The following CLSTN2 variants were observed in gnomAD, a reference collection of about 807,000 sequenced individuals.
The protein encoded by CLSTN2 is calsyntenin-2.
A neutral mutation model predicts 101.2 loss-of-function variants in CLSTN2; 48 were observed. The observed-to-expected ratio is 0.47, with a 90% CI of 0.38 to 0.60. CLSTN2 has a LOEUF of 0.60. CLSTN2 is among the 20% of genes least tolerant of loss of function. The probability of loss-of-function intolerance (pLI) is 0.00; values close to 1 mark genes in which losing one functional copy is unlikely to be tolerated. For synonymous variants in CLSTN2, 481 were observed against 463.6 expected (o/e 1.04, Z -0.48); for missense variants, 1,160 against 1,238.2 (o/e 0.94, Z 0.95).
At chr3:140,240,822 G>C (rs1039349523) in intron 2 of CLSTN2, among the ~76,000 whole-genome samples, 1 of 152,170 alleles carries the variant, frequency 6.6e-6, no homozygotes, top group Non-Finnish European at 1.5e-5. Flanking sequence ...TGGGGTAAAA[G>C]AAGCAGCCAG....
chr3:139,968,887 T>TA (rs1204613719), intron 1 of CLSTN2, among the ~76,000 whole-genome samples: 1 of 152,218 alleles, frequency 6.6e-6, no homozygotes, highest in Non-Finnish European at 1.5e-5. Flanking sequence ...GTAGAAGACA[T>TA]AAACTCTTTT....
At chr3:140,076,045 C>T (rs932062062) in intron 1 of CLSTN2, among the ~76,000 whole-genome samples, 8 of 152,142 alleles carry the variant, frequency 5.3e-5, no homozygotes, top group African/African-American at 1.7e-4. Flanking sequence ...GGAAACTTTA[C>T]ACCTCTTACA....
chr3:140,069,734 G>A (rs1417072600), intron 1 of CLSTN2, among the ~76,000 whole-genome samples: 2 of 152,184 alleles, frequency 1.3e-5, no homozygotes, highest in Non-Finnish European at 2.9e-5. Context: ...AGACTCTGAA[G>A]TCTGTGTCCT....
At chr3:140,201,989 G>C (rs2010723795) in intron 2 of CLSTN2, among the ~76,000 whole-genome samples, 1 of 152,210 alleles carries the variant, frequency 6.6e-6, no homozygotes, top group Non-Finnish European at 1.5e-5. Context: ...GATGCACCCT[G>C]TGCTATCTGG....
intron 2 of CLSTN2, among the ~76,000 whole-genome samples, chr3:140,238,591 A>T (rs573827056): frequency 6.6e-6 from 1 of 152,170 alleles, no homozygotes; most frequent in Non-Finnish European, 1.5e-5. Context: ...TTTATGTTTC[A>T]TGACATTAGA....
intron 1 of CLSTN2, among the ~76,000 whole-genome samples, chr3:139,968,869 C>A (rs1935647786): frequency 6.6e-6 from 1 of 152,156 alleles, no homozygotes; most frequent in Non-Finnish European, 1.5e-5. Flanking sequence ...GTCGGTTCGC[C>A]AGCAACAGTA....
chr3:140,028,975 G>A (rs2007489696), intron 1 of CLSTN2, among the ~76,000 whole-genome samples: 2 of 152,192 alleles, frequency 1.3e-5, no homozygotes, highest in South Asian at 4.1e-4. Flanking sequence ...CTCCTGCAAA[G>A]TGAATGGTGA....
intron 1 of CLSTN2, among the ~76,000 whole-genome samples, chr3:139,987,966 T>A (rs1296489384): frequency 6.6e-6 from 1 of 152,186 alleles, no homozygotes; most frequent in Non-Finnish European, 1.5e-5. Flanking sequence ...GGAATAAGGA[T>A]AGTGAATGTG....
chr3:140,560,247 AT>A (rs1935883019), intron 12 of CLSTN2, among the ~76,000 whole-genome samples: 1 of 152,184 alleles, frequency 6.6e-6, no homozygotes, highest in Non-Finnish European at 1.5e-5. Context: ...GGATAATGGC[AT>A]TTGCCCCCAG....
chr3:140,443,961 C>T (rs1441216093), intron 5 of CLSTN2, among the ~76,000 whole-genome samples: 1 of 152,182 alleles, frequency 6.6e-6, no homozygotes, highest in Non-Finnish European at 1.5e-5. Context: ...CAAAGCAAAC[C>T]TCCAGCCCCC....
At chr3:140,359,090 G>A (rs772684548) in intron 2 of CLSTN2, among the ~76,000 whole-genome samples, 6 of 151,318 alleles carry the variant, frequency 4.0e-5, no homozygotes, top group African/African-American at 7.3e-5. Context: ...CATCAGCCCC[G>A]TGAACTATTG....
intron 1 of CLSTN2, among the ~76,000 whole-genome samples, chr3:139,999,254 C>T (rs1560066050): frequency 1.3e-5 from 2 of 152,174 alleles, no homozygotes; most frequent in Non-Finnish European, 2.9e-5. Flanking sequence ...ATGTTGCTCC[C>T]TCCCTCCCTC....
intron 1 of CLSTN2, among the ~76,000 whole-genome samples, chr3:140,048,614 G>A (rs551208589): frequency 2.0e-5 from 3 of 152,328 alleles, no homozygotes; most frequent in African/African-American, 7.2e-5. Flanking sequence ...GAGGCAAAGA[G>A]AGATTAGATA....
chr3:140,382,189 A>G (rs530387433), intron 2 of CLSTN2, among the ~76,000 whole-genome samples: 1 of 152,264 alleles, frequency 6.6e-6, no homozygotes, highest in East Asian at 1.9e-4. Flanking sequence ...CTAACATTTA[A>G]CACAGTTTGC....
chr3:140,269,644 G>T (rs2086723962), intron 2 of CLSTN2, among the ~76,000 whole-genome samples: 2 of 152,312 alleles, frequency 1.3e-5, no homozygotes, highest in South Asian at 2.1e-4. Flanking sequence ...AGTGAACTCT[G>T]TGTGCATAGC....
chr3:140,151,016 T>C (rs1344714125), intron 1 of CLSTN2, among the ~76,000 whole-genome samples: 1 of 152,070 alleles, frequency 6.6e-6, no homozygotes, highest in Non-Finnish European at 1.5e-5. Flanking sequence ...GATGTTGGAT[T>C]GTGATCTTCA....
intron 8 of CLSTN2, among the ~76,000 whole-genome samples, chr3:140,479,499 A>G (rs1934066269): frequency 6.6e-6 from 1 of 152,224 alleles, no homozygotes; most frequent in Admixed American, 6.5e-5. Flanking sequence ...TCCAGAGTAA[A>G]ATCATTCAAG....
At chr3:140,513,597 T>TTTTTGTG in intron 8 of CLSTN2, among the ~76,000 whole-genome samples, 1 of 148,824 alleles carries the variant, frequency 6.7e-6, no homozygotes, top group African/African-American at 2.5e-5. Flanking sequence ...TTTTTTTTTT[T>TTTTTGTG]TTTGGGTGTG....
chr3:140,435,570 T>C (rs555287206), intron 5 of CLSTN2, among the ~76,000 whole-genome samples: 37 of 152,348 alleles, frequency 2.4e-4, no homozygotes, highest in African/African-American at 7.9e-4. Context: ...TTTCTTTTCT[T>C]TGGGGTATAT....
Sources: gnomAD v4.1 joint callset for allele counts (sites outside exome capture counted in the v4.1 genomes callset) on GRCh38, gnomAD v4.1.1 for gene constraint, MANE v1.5 for transcripts, NCBI Gene and HGNC (gene_info 2026-07-23, HGNC 2026-07-21) for gene names.